Variants in SMG1 observed in about 807,000 individuals in gnomAD.
The protein encoded by SMG1 is serine/threonine-protein kinase SMG1.
Under a neutral mutation model 419.9 loss-of-function variants are expected in SMG1, and 22 were observed. The ratio of observed to expected loss-of-function variants is 0.05; its 90% CI spans 0.04 to 0.07. The LOEUF is 0.07. Among genes scored for constraint, SMG1 ranks in the 10% least tolerant of loss-of-function variants. SMG1 has a pLI of 1.00. For synonymous variants in SMG1, 1,538 were observed against 1,553.5 expected (o/e 0.99, Z 0.23); for missense variants, 3,185 against 4,342.0 (o/e 0.73, Z 7.49).
intron 3 of SMG1, among the ~76,000 whole-genome samples, chr16:18,894,826 T>C (rs2037045663): frequency 6.6e-6 from 1 of 152,038 alleles, no homozygotes; most frequent in Non-Finnish European, 1.5e-5. Context: ...TTTTTTGTTG[T>C]TGTTTTTTTG....
Position 18,834,253 on chromosome 16 carries a change from T to C in SMG1, c.8516A>G (p.Glu2839Gly), listed in dbSNP as rs1487298165. 1.2e-6 allele frequency: 2 copies of C among 1,609,342 alleles called. No individual in the cohort carries two copies. Among genetic ancestry groups the C allele is most frequent in the Admixed American group, 1.7e-5 (1 of 59,274 alleles). Residue 2839 changes from glutamate to glycine, a missense_variant, in exon 50 of 63, where the codon GAA becomes GGA. Glu to Gly is a moderately conservative substitution (Grantham distance 98). Around this residue, in one of 27 missense-constraint regions of SMG1, gnomAD observed 412 missense variants for 546.6 expected, o/e 0.75. Coordinates refer to ENST00000446231, the MANE Select transcript of SMG1 (RefSeq NM_015092.5). ...GGCTAAGTGAACTGTCTCAGACGCT[T>C]CCATGGGGTTCGGGATATCTAAGTC... ...PQDLDIPNPM[E>G]ASETVHLANG... is the part of the protein sequence containing the mutation.
chr16:18,820,642 T>A (rs957954425), intron 55 of SMG1, among the ~76,000 whole-genome samples: 1 of 152,214 alleles, frequency 6.6e-6, no homozygotes, highest in African/African-American at 2.4e-5. Flanking sequence ...TCTACTTTCC[T>A]GCATGTCCAT....
intron 55 of SMG1, among the ~76,000 whole-genome samples, chr16:18,827,431 T>C (rs1185251658): frequency 1.4e-5 from 2 of 146,956 alleles, no homozygotes; most frequent in Admixed American, 6.9e-5. Flanking sequence ...GTCTCCAAAA[T>C]ATATATATAT....
At chr16:18,842,680 T>C (rs1285240573) in intron 39 of SMG1, among the ~76,000 whole-genome samples, 1 of 151,978 alleles carries the variant, frequency 6.6e-6, no homozygotes, top group Admixed American at 6.6e-5. Context: ...CAAAAGTTAG[T>C]CAGGCACAGT....
intron 39 of SMG1, among the ~76,000 whole-genome samples, chr16:18,844,257 C>T (rs571113046): frequency 1.6e-4 from 24 of 151,886 alleles, no homozygotes; most frequent in Admixed American, 4.6e-4. Context: ...GGTGAAACTC[C>T]GTCTCTACTA....
At chr16:18,857,447 T>A (rs1342335164) in intron 29 of SMG1, 2 of 152,194 alleles carry the variant, frequency 1.3e-5, no homozygotes, top group Non-Finnish European at 2.9e-5. Flanking sequence ...TATGTCTTCA[T>A]TAAAAATGGG....
intron 1 of SMG1, among the ~76,000 whole-genome samples, chr16:18,923,099 G>C (rs1345020021): frequency 6.6e-6 from 1 of 152,072 alleles, no homozygotes; most frequent in Non-Finnish European, 1.5e-5. Flanking sequence ...TTACAGAAGA[G>C]TTGACTGGGA....
At chr16:18,895,976 A>T (rs2141846695) in intron 3 of SMG1, 76 bp downstream of exon 3, 7 of 1,316,420 alleles carry the variant, frequency 5.3e-6, no homozygotes, top group Non-Finnish European at 7.7e-6. Flanking sequence ...AGGCGTTAGT[A>T]AGAGGCATCC....
intron 60 of SMG1, among the ~76,000 whole-genome samples, chr16:18,813,352 G>C (rs973052820): frequency 6.6e-6 from 1 of 152,100 alleles, no homozygotes; most frequent in Non-Finnish European, 1.5e-5. Context: ...ACTTTTTAAT[G>C]ATGGCCATTC....
intron 6 of SMG1, among the ~76,000 whole-genome samples, chr16:18,887,533 T>TTTTTTTTTTA (rs1567427842): frequency 7.0e-6 from 1 of 141,854 alleles, no homozygotes; most frequent in African/African-American, 2.6e-5. Context: ...TTTTTTTTTT[T>TTTTTTTTTTA]AATAGAAACA....
At chr16:18,816,200 A>C in intron 58 of SMG1, 102 bp downstream of exon 58, 1 of 909,406 alleles carries the variant, frequency 1.1e-6, no homozygotes, top group Admixed American at 2.8e-5. Flanking sequence ...TGATGAGATA[A>C]ATTGTTATTT....
At chr16:18,851,024 G>T (rs1468563052) in intron 33 of SMG1, among the ~76,000 whole-genome samples, 1 of 152,098 alleles carries the variant, frequency 6.6e-6, no homozygotes, top group Non-Finnish European at 1.5e-5. Context: ...CAAAGTGCTG[G>T]AATTACAGGT....
At chr16:18,904,485 A>G (rs1053062402) in intron 1 of SMG1, among the ~76,000 whole-genome samples, 1 of 149,496 alleles carries the variant, frequency 6.7e-6, no homozygotes, top group Non-Finnish European at 1.5e-5. Flanking sequence ...TAGAAAAAAT[A>G]AAATTACCTG....
intron 33 of SMG1, 123 bp downstream of exon 33, chr16:18,851,944 G>T: frequency 9.5e-7 from 1 of 1,056,902 alleles, no homozygotes; most frequent in Non-Finnish European, 1.3e-6. Context: ...AAATGCAGAA[G>T]TTTTTATTTA....
chr16:18,842,948 G>A (rs964898081), intron 39 of SMG1, among the ~76,000 whole-genome samples: 55 of 152,222 alleles, frequency 3.6e-4, no homozygotes, highest in African/African-American at 1.1e-3. Context: ...GGTGGCCGAT[G>A]TGCATTACAG....
At chr16:18,834,552 A>C in intron 49 of SMG1, 114 bp from the exon 50 acceptor site, 1 of 952,852 alleles carries the variant, frequency 1.0e-6, no homozygotes, top group Non-Finnish European at 1.6e-6. Context: ...CGAGGCAGGT[A>C]GATGACTTCA....
chr16:18,925,757 G>A (rs2038372545), intron 1 of SMG1, 193 bp downstream of exon 1: 2 of 458,272 alleles, frequency 4.4e-6, no homozygotes, highest in Non-Finnish European at 7.6e-6. Context: ...AACAAGCAGG[G>A]AGGGGAGGCA....
Position 18,834,234 on chromosome 16 carries a change from G to C in SMG1, c.8535C>G (p.His2845Gln). The C allele has an allele frequency of 6.2e-7, 1 of 1,604,094 alleles. No individual in the cohort carries two copies. Residue 2845 changes from histidine to glutamine, a missense_variant, in exon 50 of 63, where the codon CAC (histidine) becomes CAG (glutamine). His to Gln is a conservative substitution (Grantham distance 24). This residue lies in a region of SMG1 where 412 missense variants were observed against 546.6 expected (regional missense o/e 0.75). Coordinates refer to ENST00000446231, the MANE Select transcript of SMG1 (RefSeq NM_015092.5). ...GTGAGGTATACACTCCATTGGCTAA[G>C]TGAACTGTCTCAGACGCTTCCATGG... ...PNPMEASETV[H>Q]LANGVYTSLQ...
At position 18,878,299 on chromosome 16, in the gene SMG1, C is replaced by CA. The variant is rs71141083; in HGVS notation, c.1519-1068dup. 327 of 112,116 alleles carry CA rather than the reference C, an allele frequency of 2.9e-3. 2 individuals carry two copies. The highest frequency in any genetic ancestry group is 9.3e-3 in the Middle Eastern group (2 of 216). The allele number at this position is 112,116 out of a possible 1,614,324, so 6.9% of individuals were successfully genotyped here. A position where few individuals can be genotyped will look rare whatever the true frequency, so the allele number is the denominator to read the frequency against. ...GCAAAAGAGCGAGACTCCGTCTCAA[C>CA]AAAAAAAAAAAAAAGAAATTAAAGG... On this transcript the variant is annotated intron_variant, in intron 11 of 62. Transcript: ENST00000446231.
Sources: allele counts gnomAD v4.1 joint callset (sites outside exome capture counted in the v4.1 genomes callset), GRCh38; gene constraint gnomAD v4.1.1; regional missense constraint gnomAD v4.1.1; transcripts MANE v1.5; gene names NCBI Gene and HGNC (gene_info 2026-07-23, HGNC 2026-07-21).